The following MYO5B variants were observed in gnomAD, a reference collection of about 807,000 sequenced individuals.
MYO5B encodes unconventional myosin-Vb.
MYO5B carries 143 observed loss-of-function variants against 229.3 expected under a neutral mutation model. That is an observed-to-expected ratio of 0.62 (90% confidence interval 0.54 to 0.72). MYO5B has a LOEUF of 0.72. Among genes scored for constraint, MYO5B ranks in the 30% least tolerant of loss-of-function variants. MYO5B has a pLI of 0.00. For missense variants in MYO5B, 2,321 were observed against 2,331.0 expected (o/e 1.00, Z 0.09); for synonymous variants, 918 against 885.2 (o/e 1.04, Z -0.66).
At chr18:50,114,863 G>A (rs2031930831) in intron 1 of MYO5B, among the ~76,000 whole-genome samples, 2 of 152,174 alleles carry the variant, frequency 1.3e-5, no homozygotes, top group African/African-American at 4.8e-5. Flanking sequence ...AGGCAGTGCT[G>A]CCCAAGACCT....
chr18:50,035,571 A>G (rs946782724), intron 4 of MYO5B, among the ~76,000 whole-genome samples: 1 of 152,206 alleles, frequency 6.6e-6, no homozygotes, highest in Non-Finnish European at 1.5e-5. Context: ...ATACTGTGCA[A>G]CATGCTAATG....
chr18:49,922,307 T>C (rs1277013037), intron 17 of MYO5B, among the ~76,000 whole-genome samples: 1 of 152,224 alleles, frequency 6.6e-6, no homozygotes, highest in East Asian at 1.9e-4. Context: ...ATTATTATTT[T>C]AATCAGTGAC....
intron 2 of MYO5B, among the ~76,000 whole-genome samples, chr18:50,053,367 G>A (rs531215859): frequency 2.0e-5 from 3 of 152,178 alleles, no homozygotes; most frequent in Admixed American, 6.5e-5. Flanking sequence ...TCAGCAGGGT[G>A]GGCGAGCATC....
intron 1 of MYO5B, among the ~76,000 whole-genome samples, chr18:50,079,822 T>C (rs1157318461): frequency 6.6e-6 from 1 of 152,150 alleles, no homozygotes; most frequent in Non-Finnish European, 1.5e-5. Context: ...CCGTCTCCAG[T>C]TGAATGCCTG....
At chr18:49,926,623 G>A (rs1015978974) in intron 17 of MYO5B, among the ~76,000 whole-genome samples, 1 of 152,232 alleles carries the variant, frequency 6.6e-6, no homozygotes, top group Non-Finnish European at 1.5e-5. Flanking sequence ...CAAGTGTCCA[G>A]AGGGGATCCA....
intron 4 of MYO5B, among the ~76,000 whole-genome samples, chr18:50,010,478 T>C (rs1223421783): frequency 6.6e-6 from 1 of 152,224 alleles, no homozygotes; most frequent in Non-Finnish European, 1.5e-5. Context: ...GCCAATTCCC[T>C]TGCTCTTAAA....
rs762777979 is a variant in MYO5B at position 50,170,364 on chromosome 18, G to A, written c.27+24403C>T. On this transcript the variant is annotated intron_variant, in intron 1 of 39. Coordinates refer to ENST00000285039, the MANE Select transcript of MYO5B (RefSeq NM_001080467.3). ...TTGACTAGACCACCACAAGAACACC[G>A]CCTCTATGAGAAAGATCCTAGATGC... Among the ~76,000 whole-genome samples, 36 of 127,014 alleles carry A rather than the reference G, an allele frequency of 2.8e-4. 8 individuals carry two copies. Among genetic ancestry groups the A allele is most frequent in the Non-Finnish European group, 4.4e-4 (26 of 59,634 alleles). 83.3% of individuals were successfully genotyped at this position (127,014 alleles called of 152,430 possible).
chr18:50,078,805 C>CT (rs148301132), intron 1 of MYO5B, among the ~76,000 whole-genome samples: 5,761 of 152,076 alleles, frequency 0.038, 361 homozygotes, highest in African/African-American at 0.13. Context: ...TGCCCAGCAG[C>CT]TTTTTTTTGT....
chr18:50,003,937 A>G (rs2144330939), intron 4 of MYO5B, among the ~76,000 whole-genome samples: 1 of 152,326 alleles, frequency 6.6e-6, no homozygotes, highest in East Asian at 1.9e-4. Context: ...AAGTGCTGCC[A>G]GGCTCCTGCG....
In MYO5B at chr18:49,992,396, G is replaced by A. The variant is rs779466520; in HGVS notation, c.648C>T (p.Asn216=). The A allele has an allele frequency of 1.7e-5, 28 of 1,614,006 alleles. No individual in the cohort carries two copies. In the Middle Eastern group the frequency reaches 4.9e-4, roughly 28 times the overall value. Residue 216 remains asparagine (N), a synonymous_variant, in exon 6 of 40, where the codon AAC becomes AAT. Coordinates refer to ENST00000285039, the MANE Select transcript of MYO5B (RefSeq NM_001080467.3). ...GGATGTACTTGCCAAAACGGCTGCT[G>A]TTGTCATTGCGGGTGGTCTTGGCAT... ...IGNAKTTRND[N]SSRFGKYIQI... is the part of the protein sequence containing the mutation.
intron 1 of MYO5B, among the ~76,000 whole-genome samples, chr18:50,099,899 T>A (rs2031623664): frequency 6.6e-6 from 1 of 152,228 alleles, no homozygotes; most frequent in Non-Finnish European, 1.5e-5. Context: ...CTAGGGCCCG[T>A]GTGTGCCTGC....
intron 9 of MYO5B, among the ~76,000 whole-genome samples, chr18:49,975,390 A>C (rs971254937): frequency 1.3e-5 from 2 of 152,200 alleles, no homozygotes; most frequent in Non-Finnish European, 2.9e-5. Context: ...ATATGATACC[A>C]GTGAGTGGTT....
chr18:50,129,691 G>T (rs1290942121), intron 1 of MYO5B, among the ~76,000 whole-genome samples: 1 of 152,142 alleles, frequency 6.6e-6, no homozygotes, highest in Non-Finnish European at 1.5e-5. Flanking sequence ...GGTCCCTAGG[G>T]AGTAGCAGAG....
At chr18:49,948,494 G>A (rs889955037) in intron 14 of MYO5B, among the ~76,000 whole-genome samples, 5 of 152,140 alleles carry the variant, frequency 3.3e-5, no homozygotes, top group African/African-American at 4.8e-5. Context: ...ATAGTACCCT[G>A]CTTGGTTTAA....
chr18:49,888,853 C>T (rs1249079035), intron 22 of MYO5B, among the ~76,000 whole-genome samples: 1 of 152,222 alleles, frequency 6.6e-6, no homozygotes, highest in African/African-American at 2.4e-5. Flanking sequence ...ATTCCTGTAC[C>T]ACACGGGGTG....
rs748187424 is a variant in MYO5B at position 50,040,266 on chromosome 18, G to A, written c.187C>T (p.Arg63Trp). Reference sequence around the variant, plus strand: ...TCTCCCACCAAGATATCTGGATTCCGTAAGAAGGGCAGCTGGTTGCGTTGT... The same window carrying A: ...TCTCCCACCAAGATATCTGGATTCCATAAGAAGGGCAGCTGGTTGCGTTGT... Reference protein sequence around the residue: ...DVQRNQLPFLRNPDILVGEND... With the variant: ...DVQRNQLPFLWNPDILVGEND... The change falls in exon 3 of 40, where the codon CGG becomes TGG. Residue 63 changes from arginine (R) to tryptophan (W), a missense_variant. Arg to Trp is a moderately radical substitution (Grantham distance 101, BLOSUM62 -3). Around this residue, in one of 2 missense-constraint regions of MYO5B, gnomAD observed 2,113 missense variants for 2,044.7 expected, o/e 1.03. Coordinates refer to ENST00000285039, the MANE Select transcript of MYO5B (RefSeq NM_001080467.3). 7.4e-6 allele frequency: 12 copies of A among 1,613,938 alleles called. No homozygotes were observed. Among genetic ancestry groups the A allele is most frequent in the East Asian group, 4.5e-5 (2 of 44,892 alleles).
chr18:50,040,095 TG>T, intron 3 of MYO5B, 47 bp downstream of exon 3: 4 of 1,594,700 alleles, frequency 2.5e-6, no homozygotes, highest in Non-Finnish European at 3.4e-6. Context: ...AGTCTAAAGC[TG>T]GTAAGCACTT....
intron 1 of MYO5B, among the ~76,000 whole-genome samples, chr18:50,096,929 C>T (rs1012910401): frequency 7.2e-5 from 11 of 152,164 alleles, no homozygotes; most frequent in Admixed American, 1.3e-4. Context: ...GAGACAACAC[C>T]TGGGCCAGCA....
chr18:50,004,443 C>A (rs1435418719), intron 4 of MYO5B, among the ~76,000 whole-genome samples: 1 of 152,186 alleles, frequency 6.6e-6, no homozygotes, highest in Non-Finnish European at 1.5e-5. Flanking sequence ...CCTAACTTCA[C>A]GGATGTTAGA....
Sources: allele counts gnomAD v4.1 joint callset (sites outside exome capture counted in the v4.1 genomes callset), GRCh38; gene constraint gnomAD v4.1.1; regional missense constraint gnomAD v4.1.1; transcripts MANE v1.5; gene names NCBI Gene and HGNC (gene_info 2026-07-23, HGNC 2026-07-21).